Variants in YWHAQ observed in about 807,000 individuals in gnomAD.
The protein encoded by YWHAQ is 14-3-3 protein theta.
YWHAQ carries 6 observed loss-of-function variants against 28.3 expected under a neutral mutation model. The observed-to-expected ratio is 0.21, with a 90% CI of 0.12 to 0.42. YWHAQ has a LOEUF of 0.42. Among genes scored for constraint, YWHAQ ranks in the 10% least tolerant of loss-of-function variants. The pLI is 1.00. For missense variants in YWHAQ, 201 were observed against 305.6 expected (o/e 0.66, Z 2.55); for synonymous variants, 143 against 119.1 (o/e 1.20, Z -1.31).
rs2125076860 is a variant in YWHAQ at position 9,630,659 on chromosome 2, CCCCTCCCCCGCT to C, written c.-82-137_-82-126del. On this transcript the variant is annotated intron_variant, in intron 1 of 5. Transcript: ENST00000238081. This position sits in a 1 kb window ranked among gnomAD's most constrained non-coding sequence, Gnocchi z 5.6. ...CCGCTTGAATTTCCCTCTCCCCCGC[CCCCTCCCCCGCT>C]GGGCACCCGGGGAGGCCGCGGCCCG... 1 of 450,156 alleles carries C rather than the reference CCCCTCCCCCGCT, an allele frequency of 2.2e-6. No individual in the cohort carries two copies. Among genetic ancestry groups the C allele is most frequent in the Non-Finnish European group, 3.8e-6 (1 of 262,142 alleles). The allele number at this position is 450,156 out of a possible 1,614,324, so 27.9% of individuals were successfully genotyped here.
intron 2 of YWHAQ, among the ~76,000 whole-genome samples, chr2:9,605,614 G>A (rs969357377): frequency 1.3e-5 from 2 of 151,988 alleles, no homozygotes; most frequent in African/African-American, 4.8e-5. Context: ...ATGCTGGAGT[G>A]CAGTGGTGCG....
intron 3 of YWHAQ, 141 bp downstream of exon 3, chr2:9,591,251 A>T (rs1018350951): frequency 1.9e-6 from 2 of 1,040,164 alleles, no homozygotes; most frequent in African/African-American, 1.6e-5. Context: ...TGAGAACATA[A>T]GGTAATACTA....
chr2:9,595,706 A>G (rs1666555600), intron 2 of YWHAQ, among the ~76,000 whole-genome samples: 1 of 151,790 alleles, frequency 6.6e-6, no homozygotes, highest in African/African-American at 2.4e-5. Flanking sequence ...CTCAAAAAAA[A>G]AAAAAAAAAA....
Position 9,601,848 on chromosome 2 carries a change from G to A in YWHAQ, c.295-10333C>T, listed in dbSNP as rs112572715. Among the ~76,000 whole-genome samples the A allele has an allele frequency of 2.9e-3, 440 of 152,204 alleles. 4 individuals are homozygous for A. The highest frequency in any genetic ancestry group is 9.8e-3 in the African/African-American group (409 of 41,542). On this transcript the variant is annotated intron_variant, in intron 2 of 5. Coordinates refer to ENST00000238081, the MANE Select transcript of YWHAQ (RefSeq NM_006826.4). The stretch of plus-strand genomic sequence containing the variant: ...TATTTTTAGCAGACGGGGTTTTGCT[G>A]TGTTGGCCAGGGTGGTCTCGATCTC...
At chr2:9,624,804 T>C (rs1667216061) in intron 2 of YWHAQ, among the ~76,000 whole-genome samples, 1 of 151,954 alleles carries the variant, frequency 6.6e-6, no homozygotes, top group Non-Finnish European at 1.5e-5. Context: ...TGGAGTGCAA[T>C]GGCACAATCT....
At position 9,626,228 on chromosome 2, in the gene YWHAQ, TATG is replaced by T. The variant is rs753280761; in HGVS notation, c.294+3928_294+3930del. Among the ~76,000 whole-genome samples, 284 of 152,344 alleles carry T rather than the reference TATG, an allele frequency of 1.9e-3. 1 individual carries two copies. Among genetic ancestry groups the T allele is most frequent in the Non-Finnish European group, 2.0e-3 (135 of 68,026 alleles). ...AGAACTGATGTACAGGAGAGGATAA[TATG>T]ATGTCTAAGATAGAAATTATCTTGT... is the stretch of plus-strand genomic sequence containing the variant. On this transcript the variant is annotated intron_variant, in intron 2 of 5. Transcript: ENST00000238081.
Position 9,584,647 on chromosome 2 carries a change from G to A in YWHAQ, c.*639C>T, listed in dbSNP as rs1463203651. On this transcript the variant is annotated 3_prime_UTR_variant, in exon 6 of 6. Coordinates refer to ENST00000238081, the MANE Select transcript of YWHAQ (RefSeq NM_006826.4). ...TAAGTGAATTTTTATTGGGAGGGGA[G>A]GTTGGCAACTTAAACAGCAGCAAAT... The A allele has an allele frequency of 2.0e-5, 3 of 152,616 alleles. No homozygotes were observed. Among genetic ancestry groups the A allele is most frequent in the Non-Finnish European group, 4.4e-5 (3 of 68,058 alleles). 9.5% of individuals were successfully genotyped at this position (152,616 alleles called of 1,614,324 possible).
chr2:9,612,311 G>A (rs187071217), intron 2 of YWHAQ, among the ~76,000 whole-genome samples: 4 of 152,184 alleles, frequency 2.6e-5, no homozygotes, highest in South Asian at 2.1e-4. Context: ...TTGCGGGCAC[G>A]TTAACTCCTT....
At chr2:9,599,203 CA>C (rs1666638843) in intron 2 of YWHAQ, among the ~76,000 whole-genome samples, 1 of 152,108 alleles carries the variant, frequency 6.6e-6, no homozygotes, top group Admixed American at 6.6e-5. Flanking sequence ...AAGGAAGCTG[CA>C]TAAGAAAAAT....
intron 2 of YWHAQ, among the ~76,000 whole-genome samples, chr2:9,622,554 C>G (rs1667162516): frequency 6.6e-6 from 1 of 152,206 alleles, no homozygotes; most frequent in Non-Finnish European, 1.5e-5. Context: ...CCCCATGCAT[C>G]ATTCCCTCTT....
intron 2 of YWHAQ, among the ~76,000 whole-genome samples, chr2:9,607,546 C>A (rs912542339): frequency 6.6e-6 from 1 of 151,892 alleles, no homozygotes; most frequent in Admixed American, 6.6e-5. Context: ...AGTACCAACA[C>A]TTCTGACCGA....
intron 2 of YWHAQ, among the ~76,000 whole-genome samples, chr2:9,614,153 G>A (rs1259563094): frequency 6.6e-6 from 1 of 152,150 alleles, no homozygotes; most frequent in East Asian, 1.9e-4. Context: ...TCTACCTTCT[G>A]CTCCAAGATT....
chr2:9,585,374 C>G, intron 5 of YWHAQ, 29 bp from the exon 6 acceptor site: 2 of 1,612,972 alleles, frequency 1.2e-6, no homozygotes, highest in Non-Finnish European at 8.5e-7. Flanking sequence ...TATTAAGTTA[C>G]TATTTCTAGA....
At chr2:9,628,115 C>T (rs1213111026) in intron 2 of YWHAQ, among the ~76,000 whole-genome samples, 4 of 152,234 alleles carry the variant, frequency 2.6e-5, no homozygotes, top group Non-Finnish European at 5.9e-5. Context: ...GCCTGGCACA[C>T]AGAAAGCTCT....
chr2:9,608,116 T>C (rs1369200814), intron 2 of YWHAQ, among the ~76,000 whole-genome samples: 1 of 152,100 alleles, frequency 6.6e-6, no homozygotes, highest in Non-Finnish European at 1.5e-5. Context: ...AACCTTAAAA[T>C]AGATTCACAG....
intron 3 of YWHAQ, among the ~76,000 whole-genome samples, chr2:9,590,944 T>C (rs992672930): frequency 6.6e-6 from 1 of 152,174 alleles, no homozygotes; most frequent in African/African-American, 2.4e-5. Context: ...CCCCTTAAAA[T>C]AGACGATAAT....
chr2:9,626,332 A>T (rs947725068), intron 2 of YWHAQ, among the ~76,000 whole-genome samples: 1 of 152,166 alleles, frequency 6.6e-6, no homozygotes, highest in African/African-American at 2.4e-5. Context: ...CAAGTCCCAG[A>T]AGAGCTTTGT....
intron 2 of YWHAQ, among the ~76,000 whole-genome samples, chr2:9,616,254 A>T (rs1667038446): frequency 1.3e-5 from 2 of 152,174 alleles, no homozygotes; most frequent in Non-Finnish European, 2.9e-5. Context: ...GGGCAATTGG[A>T]TATCCACATG....
chr2:9,585,339 T>A lies in YWHAQ; in HGVS notation c.685A>T (p.Thr229Ser). ...CATTCTTCTCCTGCACTGTCTGATG[T>A]CCAAAGCTAGAAAAAGAAGAATCAT... The part of the protein sequence containing the change: ...QLLRDNLTLW[T>S]SDSAGEECDA... The change falls in exon 6 of 6, where the codon ACA becomes TCA. Residue 229 changes from threonine to serine, a missense_variant. Around this residue, in one of 2 missense-constraint regions of YWHAQ, gnomAD observed 39 missense variants for 91.7 expected, o/e 0.43. Transcript: ENST00000238081. 6.2e-7 allele frequency: 1 copy of A among 1,614,090 alleles called. No individual in the cohort carries two copies. Among genetic ancestry groups the A allele is most frequent in the Non-Finnish European group, 8.5e-7 (1 of 1,179,972 alleles).
Sources: gnomAD v4.1 joint callset for allele counts (sites outside exome capture counted in the v4.1 genomes callset) on GRCh38, gnomAD v4.1.1 for gene constraint, gnomAD v4.1.1 regional missense constraint, Gnocchi (gnomAD v3.1) non-coding constraint, MANE v1.5 for transcripts, NCBI Gene and HGNC (gene_info 2026-07-23, HGNC 2026-07-21) for gene names.